Variants in VPS8 observed in about 807,000 individuals in gnomAD.
VPS8 encodes vacuolar protein sorting-associated protein 8 homolog.
Under a neutral mutation model 216.4 loss-of-function variants are expected in VPS8, and 129 were observed. The observed-to-expected ratio is 0.60, with a 90% CI of 0.52 to 0.69. VPS8 has a LOEUF of 0.69. Among genes scored for constraint, VPS8 ranks in the 30% least tolerant of loss-of-function variants. The pLI is 0.00. For synonymous variants in VPS8, 571 were observed against 565.4 expected (o/e 1.01, Z -0.14); for missense variants, 1,531 against 1,683.5 (o/e 0.91, Z 1.59).
intron 5 of VPS8, among the ~76,000 whole-genome samples, chr3:184,838,263 T>G (rs903806096): frequency 6.6e-6 from 1 of 152,212 alleles, no homozygotes; most frequent in African/African-American, 2.4e-5. Flanking sequence ...ATATACCCTG[T>G]TGGGGTTTAT....
intron 10 of VPS8, among the ~76,000 whole-genome samples, chr3:184,850,303 G>C (rs931526319): frequency 6.6e-6 from 1 of 152,200 alleles, no homozygotes; most frequent in African/African-American, 2.4e-5. Flanking sequence ...GGGCAAATTG[G>C]TGTGTTGCTA....
At chr3:184,893,975 A>G (rs1489080277) in intron 22 of VPS8, among the ~76,000 whole-genome samples, 2 of 152,244 alleles carry the variant, frequency 1.3e-5, no homozygotes, top group Non-Finnish European at 2.9e-5. Flanking sequence ...TGTGGTCAAT[A>G]TAACTCAAAT....
chr3:184,989,794 G>A (rs757658217), intron 42 of VPS8, among the ~76,000 whole-genome samples: 4 of 151,912 alleles, frequency 2.6e-5, no homozygotes, highest in Non-Finnish European at 4.4e-5. Context: ...TCCCTCAGCC[G>A]GGATGTGGTG....
intron 40 of VPS8, among the ~76,000 whole-genome samples, chr3:184,973,681 A>G (rs1748802410): frequency 6.6e-6 from 1 of 152,152 alleles, no homozygotes. Flanking sequence ...GTACCCATTG[A>G]CAAATCTCTC....
At chr3:184,931,478 C>A (rs1740667410) in intron 34 of VPS8, among the ~76,000 whole-genome samples, 1 of 152,082 alleles carries the variant, frequency 6.6e-6, no homozygotes, top group South Asian at 2.1e-4. Flanking sequence ...CATGTTTGAA[C>A]ATTTTTTATA....
intron 28 of VPS8, among the ~76,000 whole-genome samples, chr3:184,917,312 T>G (rs959623680): frequency 6.6e-6 from 1 of 152,240 alleles, no homozygotes; most frequent in Non-Finnish European, 1.5e-5. Context: ...ATCTTTTAAG[T>G]ATAAGGAGAA....
chr3:184,914,266 C>T (rs907818417), intron 26 of VPS8, among the ~76,000 whole-genome samples: 16 of 152,340 alleles, frequency 1.1e-4, no homozygotes, highest in African/African-American at 3.4e-4. Flanking sequence ...AGTGCTTTAT[C>T]ATCTGTACCT....
chr3:185,010,294 A>G (rs1450202752), intron 45 of VPS8, among the ~76,000 whole-genome samples: 1 of 152,218 alleles, frequency 6.6e-6, no homozygotes, highest in Non-Finnish European at 1.5e-5. Context: ...TTAAAGAATT[A>G]TAAAAATATC....
intron 45 of VPS8, among the ~76,000 whole-genome samples, chr3:185,022,255 A>G (rs1042689828): frequency 6.6e-6 from 1 of 152,206 alleles, no homozygotes; most frequent in African/African-American, 2.4e-5. Context: ...CTTCCCAGCC[A>G]TGTGGAACTG....
chr3:184,958,291 T>C (rs1560865075), intron 37 of VPS8, among the ~76,000 whole-genome samples: 1 of 152,166 alleles, frequency 6.6e-6, no homozygotes, highest in Non-Finnish European at 1.5e-5. Flanking sequence ...AGTTAAATAG[T>C]TGCATCTCAT....
intron 8 of VPS8, 116 bp downstream of exon 8, chr3:184,843,361 C>G: frequency 1.5e-6 from 1 of 689,064 alleles, no homozygotes; most frequent in Middle Eastern, 2.8e-4. Context: ...TGAAAAAAAC[C>G]CAGCTAATTG....
chr3:185,030,656 A>T lies in VPS8; in HGVS notation c.4056+6267A>T, dbSNP rs1011184575. Among the ~76,000 whole-genome samples, 3 of 152,262 alleles carry T rather than the reference A, an allele frequency of 2.0e-5. No homozygotes were observed. In the East Asian group the frequency reaches 5.8e-4, roughly 29 times the overall value. On this transcript the variant is annotated intron_variant, in intron 46 of 47. Coordinates refer to ENST00000625842, the MANE Select transcript of VPS8 (RefSeq NM_001009921.3). Reference sequence around the variant, plus strand: ...GAAATACAGTTCCTTCTCTCAGCACATTTACATGTTAATGGTGACTGAACT... The same window carrying T: ...GAAATACAGTTCCTTCTCTCAGCACTTTTACATGTTAATGGTGACTGAACT...
At chr3:184,831,297 G>A (rs1324892106) in intron 3 of VPS8, among the ~76,000 whole-genome samples, 2 of 152,174 alleles carry the variant, frequency 1.3e-5, no homozygotes, top group Non-Finnish European at 2.9e-5. Flanking sequence ...ACTGCACACC[G>A]GCCTGGGTGA....
chr3:184,953,603 C>T (rs1319037603), intron 36 of VPS8, among the ~76,000 whole-genome samples: 2 of 152,186 alleles, frequency 1.3e-5, no homozygotes, highest in African/African-American at 4.8e-5. Context: ...TGGCATTTTC[C>T]ATCTGGTTGT....
At chr3:184,845,672 T>C (rs1204697441) in intron 8 of VPS8, among the ~76,000 whole-genome samples, 1 of 151,720 alleles carries the variant, frequency 6.6e-6, no homozygotes, top group Non-Finnish European at 1.5e-5. Context: ...GGAGAATAGC[T>C]TGAACCCGGG....
intron 34 of VPS8, among the ~76,000 whole-genome samples, chr3:184,931,526 CTTTG>C (rs1005577014): frequency 3.9e-5 from 6 of 152,188 alleles, no homozygotes; most frequent in South Asian, 2.1e-4. Flanking sequence ...GATGTGGATA[CTTTG>C]TTTTAGTTCC....
intron 21 of VPS8, 104 bp from the exon 22 acceptor site, chr3:184,886,006 A>G (rs1731147761): frequency 3.9e-6 from 5 of 1,271,568 alleles, no homozygotes; most frequent in East Asian, 2.5e-5. Flanking sequence ...ATATGAAGTT[A>G]TATCCTCCTA....
intron 46 of VPS8, among the ~76,000 whole-genome samples, chr3:185,035,765 C>A (rs1758796000): frequency 6.6e-6 from 1 of 152,154 alleles, no homozygotes. Flanking sequence ...CCAGAGCAGT[C>A]AGGCAAGAGA....
chr3:184,819,591 G>A (rs1010381310), intron 1 of VPS8, among the ~76,000 whole-genome samples: 2 of 152,182 alleles, frequency 1.3e-5, no homozygotes, highest in African/African-American at 2.4e-5. Flanking sequence ...GGAATGAAGG[G>A]CCTGCTTAAT....
Sources: gnomAD v4.1 joint callset for allele counts (sites outside exome capture counted in the v4.1 genomes callset) on GRCh38, gnomAD v4.1.1 for gene constraint, MANE v1.5 for transcripts, NCBI Gene and HGNC (gene_info 2026-07-23, HGNC 2026-07-21) for gene names.